GNAO1: variants seen among roughly 807,000 people sequenced by gnomAD.
GNAO1 encodes guanine nucleotide-binding protein G(o) subunit alpha.
For synonymous variants in GNAO1, 164 were observed against 180.7 expected (o/e 0.91, Z 0.74); for missense variants, 166 against 478.7 (o/e 0.35, Z 6.10).
chr16:56,327,535 C>G (rs1303750214), intron 3 of GNAO1, among the ~76,000 whole-genome samples: 1 of 152,082 alleles, frequency 6.6e-6, no homozygotes, highest in African/African-American at 2.4e-5. Context: ...ACGCTAAGTA[C>G]TACTCCCGTG....
intron 2 of GNAO1, among the ~76,000 whole-genome samples, chr16:56,268,602 A>G (rs1291741127): frequency 1.3e-5 from 2 of 152,364 alleles, no homozygotes; most frequent in South Asian, 2.1e-4. Context: ...ACATTTTTAA[A>G]CATGAAACAA....
At chr16:56,281,147 A>G (rs2037110576) in intron 3 of GNAO1, among the ~76,000 whole-genome samples, 1 of 152,160 alleles carries the variant, frequency 6.6e-6, no homozygotes. Flanking sequence ...TTATATATGT[A>G]TACAGTGTAG....
At chr16:56,205,608 T>TA (rs1376278965) in intron 2 of GNAO1, among the ~76,000 whole-genome samples, 8 of 152,194 alleles carry the variant, frequency 5.3e-5, no homozygotes, top group Non-Finnish European at 1.2e-4. Flanking sequence ...ATCCTTTCCT[T>TA]AGAGTTTCGA....
chr16:56,275,956 G>A lies in GNAO1; in HGVS notation c.187G>A (p.Gly63Arg), dbSNP rs940833242. Residue 63 changes from glycine to arginine, a missense_variant, in exon 3 of 9, where the codon GGA becomes AGA. Gly to Arg is a moderately radical substitution (Grantham distance 125). Transcript: ENST00000262493. Reference protein sequence around the residue: ...MKIIHEDGFSGEDVKQYKPVV... With the variant: ...MKIIHEDGFSREDVKQYKPVV... ...GATCATCCATGAAGATGGCTTCTCC[G>A]GAGAAGACGTGAAACAGTACAAGCC... 26 of 1,613,546 alleles carry A rather than the reference G, an allele frequency of 1.6e-5. No homozygotes were observed. The highest frequency in any genetic ancestry group is 2.1e-5 in the Non-Finnish European group (25 of 1,179,808).
At chr16:56,219,331 C>A (rs1280798504) in intron 2 of GNAO1, among the ~76,000 whole-genome samples, 4 of 152,196 alleles carry the variant, frequency 2.6e-5, no homozygotes, top group Non-Finnish European at 5.9e-5. Flanking sequence ...GCCCTCCCCT[C>A]TCTGGCAAGA....
At chr16:56,328,590 C>T in intron 3 of GNAO1, 41 bp from the exon 4 acceptor site, 1 of 1,602,366 alleles carries the variant, frequency 6.2e-7, no homozygotes, top group East Asian at 2.2e-5. Context: ...TCTTCTGTCC[C>T]CACCAAAGCG....
In GNAO1 at chr16:56,304,527, G is replaced by A. The variant is rs146076875; in HGVS notation, c.304-24104G>A. Among the ~76,000 whole-genome samples the A allele has an allele frequency of 2.6e-3, 392 of 152,292 alleles. 3 individuals carry two copies. Among genetic ancestry groups the A allele is most frequent in the African/African-American group, 8.3e-3 (343 of 41,556 alleles). On this transcript the variant is annotated intron_variant, in intron 3 of 8. Coordinates refer to ENST00000262493, the MANE Select transcript of GNAO1 (RefSeq NM_020988.3). ...TTGTTCCTAACAAGAGAAGACTGGT[G>A]CCTCACAGCCCCTGAAAGGACAAGA...
intron 2 of GNAO1, chr16:56,193,386 C>T (rs2036200060): frequency 6.5e-6 from 1 of 153,872 alleles, no homozygotes; most frequent in Non-Finnish European, 1.4e-5. Context: ...CCCCCACCCT[C>T]CCAGCATTGC....
chr16:56,346,896 G>A (rs1164737833), intron 6 of GNAO1: 2 of 985,340 alleles, frequency 2.0e-6, no homozygotes, highest in African/African-American at 3.5e-5. Context: ...GCCAAGGGAT[G>A]GTCTCACCCA....
chr16:56,221,055 C>T (rs553169127), intron 2 of GNAO1, among the ~76,000 whole-genome samples: 16 of 152,146 alleles, frequency 1.1e-4, no homozygotes, highest in African/African-American at 3.6e-4. Flanking sequence ...CTTGGATTAG[C>T]GTTTTAATAA....
intron 2 of GNAO1, among the ~76,000 whole-genome samples, chr16:56,239,311 C>T (rs2036671834): frequency 2.0e-5 from 3 of 152,236 alleles, no homozygotes; most frequent in Admixed American, 2.0e-4. Flanking sequence ...ATTGATGCTA[C>T]TCACAAGCCC....
At chr16:56,338,580 G>T (rs1310279887) in intron 6 of GNAO1, among the ~76,000 whole-genome samples, 1 of 152,232 alleles carries the variant, frequency 6.6e-6, no homozygotes, top group Non-Finnish European at 1.5e-5. Context: ...TTCAAAGAGA[G>T]CAAAGGAGCT....
rs1799917 is a variant in GNAO1 at position 56,343,836 on chromosome 16, A to G, written c.723+6976A>G. The stretch of plus-strand genomic sequence containing the variant: ...AGAGCAAGAACAAGTCAGCCCACAA[A>G]GAGATCTACACCCACGTCACCTGCG... On this transcript the variant is annotated intron_variant, in intron 6 of 8. Transcript: ENST00000262493. 0.37 allele frequency: 586,037 copies of G among 1,580,160 alleles called. 108,473 individuals are homozygous for G. Among genetic ancestry groups the G allele is most frequent in the African/African-American group, 0.58 (40,733 of 69,762 alleles).
chr16:56,295,990 C>T (rs530855806), intron 3 of GNAO1, among the ~76,000 whole-genome samples: 1 of 152,370 alleles, frequency 6.6e-6, no homozygotes, highest in Non-Finnish European at 1.5e-5. Flanking sequence ...TATTAGGGAC[C>T]TTGGCCGTCC....
intron 3 of GNAO1, among the ~76,000 whole-genome samples, chr16:56,281,388 C>G (rs149620388): frequency 6.6e-6 from 1 of 152,144 alleles, no homozygotes; most frequent in African/African-American, 2.4e-5. Context: ...GCTGCCTTAC[C>G]CCCCTGGGTT....
intron 2 of GNAO1, among the ~76,000 whole-genome samples, chr16:56,244,378 A>C (rs547519637): frequency 1.1e-3 from 161 of 151,984 alleles, no homozygotes; most frequent in African/African-American, 3.8e-3. Context: ...AAAAAAAAAA[A>C]AACCTAACAT....
At position 56,311,821 on chromosome 16, in the gene GNAO1, G is replaced by C. The variant is rs1415903232; in HGVS notation, c.304-16810G>C. ...TCCTTGCCTGGCCCAGCTGCTGCAT[G>C]GCCATGGGTGCCACTCTGCCTCACC... is the stretch of plus-strand genomic sequence containing the variant. On this transcript the variant is annotated intron_variant, in intron 3 of 8. Coordinates refer to ENST00000262493, the MANE Select transcript of GNAO1 (RefSeq NM_020988.3). This position sits in a 1 kb window ranked among gnomAD's most constrained non-coding sequence, Gnocchi z 5.2. 6.6e-6 allele frequency among the ~76,000 whole-genome samples: 1 copy of C among 152,136 alleles called. No individual in the cohort carries two copies. The highest frequency in any genetic ancestry group is 1.5e-5 in the Non-Finnish European group (1 of 67,994).
intron 1 of GNAO1, 50 bp from the exon 2 acceptor site, chr16:56,192,524 C>G: frequency 1.0e-6 from 1 of 963,226 alleles, no homozygotes; most frequent in Non-Finnish European, 1.6e-6. Flanking sequence ...TCCCCCTGTT[C>G]CCTTAAGCTG....
chr16:56,267,314 TCTC>T (rs1276189003), intron 2 of GNAO1, among the ~76,000 whole-genome samples: 2 of 152,050 alleles, frequency 1.3e-5, no homozygotes, highest in Non-Finnish European at 2.9e-5. Flanking sequence ...GTTCATGCCT[TCTC>T]CTTGAGTCAA....
Sources: gnomAD v4.1 joint callset for allele counts (sites outside exome capture counted in the v4.1 genomes callset) on GRCh38, gnomAD v4.1.1 for gene constraint, Gnocchi (gnomAD v3.1) non-coding constraint, MANE v1.5 for transcripts, NCBI Gene and HGNC (gene_info 2026-07-23, HGNC 2026-07-21) for gene names.